HAUS2: variants seen among roughly 807,000 people sequenced by gnomAD.
HAUS2 encodes HAUS augmin like complex subunit 2, also known as HAUS augmin-like complex subunit 2.
HAUS2 carries 20 observed loss-of-function variants against 21.6 expected under a neutral mutation model. The ratio of observed to expected loss-of-function variants is 0.93; its 90% CI spans 0.65 to 1.35. The LOEUF (loss-of-function observed/expected upper bound fraction) is 1.35. Ranked by LOEUF, HAUS2 falls within the 40% of genes most tolerant of loss-of-function variation. The pLI, the probability that HAUS2 is intolerant of heterozygous loss-of-function variation, is 0.00. For missense variants in HAUS2, 297 were observed against 280.7 expected (o/e 1.06, Z -0.42); for synonymous variants, 113 against 95.6 (o/e 1.18, Z -1.06).
intron 1 of HAUS2, among the ~76,000 whole-genome samples, chr15:42,550,927 A>G (rs1217513303): frequency 1.3e-5 from 2 of 151,502 alleles, no homozygotes; most frequent in Admixed American, 1.3e-4. Context: ...TCTGCCTCCC[A>G]AAGTGCTGGG....
At chr15:42,558,322 T>C (rs1384591531) in intron 2 of HAUS2, 32 bp downstream of exon 2, 5 of 787,920 alleles carry the variant, frequency 6.3e-6, no homozygotes, top group South Asian at 3.2e-5. Flanking sequence ...TTCTTTTTTT[T>C]TTTTTTTTTT....
At chr15:42,556,872 C>T (rs2057783062) in intron 1 of HAUS2, among the ~76,000 whole-genome samples, 1 of 149,918 alleles carries the variant, frequency 6.7e-6, no homozygotes, top group African/African-American at 2.5e-5. Context: ...AAAAAATTAG[C>T]TGGGCATGGT....
intron 1 of HAUS2, among the ~76,000 whole-genome samples, chr15:42,555,628 T>C (rs1475193830): frequency 6.6e-6 from 1 of 152,202 alleles, no homozygotes; most frequent in Non-Finnish European, 1.5e-5. Context: ...GCATTTGTAA[T>C]GTTTTTGATC....
intron 5 of HAUS2, among the ~76,000 whole-genome samples, chr15:42,564,373 T>G (rs2057885016): frequency 6.6e-6 from 1 of 152,188 alleles, no homozygotes; most frequent in Admixed American, 6.6e-5. Context: ...TTAAATTATT[T>G]TATTCCAACA....
chr15:42,563,641 T>G, intron 4 of HAUS2, 108 bp from the exon 5 acceptor site: 1 of 708,810 alleles, frequency 1.4e-6, no homozygotes, highest in East Asian at 2.5e-5. Flanking sequence ...GCTCTCTAGG[T>G]TGATTGTAAT....
At chr15:42,565,503 G>A (rs1177336332) in intron 5 of HAUS2, among the ~76,000 whole-genome samples, 1 of 151,168 alleles carries the variant, frequency 6.6e-6, no homozygotes, top group East Asian at 2.0e-4. Flanking sequence ...GAAAATATTG[G>A]ATAGAGCAGA....
In HAUS2 at chr15:42,566,685, C is replaced by G. The variant is rs745664950; in HGVS notation, c.577C>G (p.Gln193Glu). The G allele has an allele frequency of 6.2e-6, 10 of 1,602,310 alleles. No homozygotes were observed. The highest frequency in any genetic ancestry group is 8.6e-6 in the Non-Finnish European group (10 of 1,169,446). ...LAENILKWRKQQNEVSSCIPK... is the reference protein window; with the variant it reads ...LAENILKWRKEQNEVSSCIPK... ...AGAGAATATACTCAAGTGGCGTAAA[C>G]AACAAAACGAAGTTTCGTCTTGTAT... is the stretch of plus-strand genomic sequence containing the variant. The change falls in exon 6 of 6, where the codon CAA (glutamine) becomes GAA (glutamate). Residue 193 changes from glutamine (Q) to glutamate (E), a missense_variant. By Grantham distance (29) the Gln-to-Glu change is conservative. Transcript: ENST00000260372.
chr15:42,561,670 A>T (rs2057854940), intron 4 of HAUS2: 2 of 315,506 alleles, frequency 6.3e-6, no homozygotes, highest in Admixed American at 4.4e-5. Flanking sequence ...AACAATAAAA[A>T]CTGTTTGTAT....
chr15:42,561,012 A>G (rs34787708), intron 3 of HAUS2: 1 of 583,586 alleles, frequency 1.7e-6, no homozygotes, highest in Non-Finnish European at 3.0e-6. Flanking sequence ...GATGAGAAAC[A>G]CAGAGAAAGA....
At chr15:42,550,683 T>A (rs1250825057) in intron 1 of HAUS2, among the ~76,000 whole-genome samples, 1 of 152,218 alleles carries the variant, frequency 6.6e-6, no homozygotes, top group African/African-American at 2.4e-5. Flanking sequence ...TTTCTTTTTT[T>A]TTTGAGACGG....
At position 42,561,336 on chromosome 15, in the gene HAUS2, C is replaced by G; in HGVS notation, c.323C>G (p.Ser108Cys). 1 of 1,575,096 alleles carries G rather than the reference C, an allele frequency of 6.3e-7. No homozygotes were observed. Among genetic ancestry groups the G allele is most frequent in the Non-Finnish European group, 8.7e-7 (1 of 1,144,574 alleles). ...GAAGCAGTGCTGAAAGAGAAGAGAT[C>G]CCTTAGGCAAAGACTGTTGAAACCC... ...HLEAVLKEKR[S>C]LRQRLLKPMC... The change falls in exon 4 of 6, where the codon TCC becomes TGC. Residue 108 changes from serine to cysteine, a missense_variant. Ser to Cys is a moderately radical substitution (Grantham distance 112). Transcript: ENST00000260372.
At position 42,562,812 on chromosome 15, in the gene HAUS2, G is replaced by T. The variant is rs2057864799; in HGVS notation, c.390-937G>T. On this transcript the variant is annotated intron_variant, in intron 4 of 5. Coordinates refer to ENST00000260372, the MANE Select transcript of HAUS2 (RefSeq NM_018097.3). ...TTCATTCTTCACAGAGAATGAGTAA[G>T]TTGAAATGGAATGAGGCCAGGCGTC... is the stretch of plus-strand genomic sequence containing the variant. Among the ~76,000 whole-genome samples the T allele has an allele frequency of 2.0e-5, 3 of 152,254 alleles. No homozygotes were observed. The South Asian group carries it at 6.2e-4, about 32-fold the overall frequency.
intron 1 of HAUS2, among the ~76,000 whole-genome samples, chr15:42,553,471 AC>A (rs2141592083): frequency 7.3e-6 from 1 of 136,832 alleles, no homozygotes; most frequent in Admixed American, 7.0e-5. Context: ...AATCCCTGAT[AC>A]TTTTTTCTTT....
At position 42,561,372 on chromosome 15, in the gene HAUS2, A is replaced by G; in HGVS notation, c.359A>G (p.Glu120Gly). The G allele has an allele frequency of 1.2e-6, 2 of 1,604,828 alleles. 1 individual carries two copies. Among genetic ancestry groups the G allele is most frequent in the South Asian group, 2.2e-5 (2 of 90,912 alleles). Residue 120 changes from glutamate to glycine, a missense_variant, in exon 4 of 6, where the codon GAA becomes GGA. Glu to Gly is a moderately conservative substitution (Grantham distance 98, BLOSUM62 -2). Coordinates refer to ENST00000260372, the MANE Select transcript of HAUS2 (RefSeq NM_018097.3). ...RQRLLKPMCQ[E>G]NLPIEAVYHR... ...AGACTGTTGAAACCCATGTGCCAGG[A>G]AAACTTACCTATTGAAGCTGTTTAT...
At chr15:42,566,133 C>T (rs2057903978) in intron 5 of HAUS2, among the ~76,000 whole-genome samples, 4 of 151,004 alleles carry the variant, frequency 2.6e-5, no homozygotes, top group Admixed American at 2.6e-4. Flanking sequence ...ACCCAGGAGA[C>T]GGAGGTTGCA....
In HAUS2 at chr15:42,569,865, G is replaced by A. The variant is rs932105224; in HGVS notation, c.*3049G>A. On this transcript the variant is annotated 3_prime_UTR_variant, in exon 6 of 6. Coordinates refer to ENST00000260372, the MANE Select transcript of HAUS2 (RefSeq NM_018097.3). ...TCAAAACATACTATGCTTTTTCTTC[G>A]TGTTATTTCCTATATTCATTTTTGT... 4 of 152,004 alleles carry A rather than the reference G, an allele frequency of 2.6e-5. No individual in the cohort carries two copies. The highest frequency in any genetic ancestry group is 2.1e-4 in the South Asian group (1 of 4,816). 9.4% of individuals were successfully genotyped at this position (152,004 alleles called of 1,614,324 possible). A position where few individuals can be genotyped will look rare whatever the true frequency, so the allele number is the denominator to read the frequency against.
At chr15:42,552,671 G>C (rs1376691111) in intron 1 of HAUS2, among the ~76,000 whole-genome samples, 1 of 152,070 alleles carries the variant, frequency 6.6e-6, no homozygotes, top group Admixed American at 6.6e-5. Context: ...TATTTTTCCA[G>C]CAAGTGTGAG....
In HAUS2 at chr15:42,569,486, C is replaced by G. The variant is rs1347210299; in HGVS notation, c.*2670C>G. 6.6e-6 allele frequency: 1 copy of G among 151,508 alleles called. No individual in the cohort carries two copies. The highest frequency in any genetic ancestry group is 1.5e-5 in the Non-Finnish European group (1 of 67,868). The allele number at this position is 151,508 out of a possible 1,614,324, so 9.4% of individuals were successfully genotyped here. On this transcript the variant is annotated 3_prime_UTR_variant, in exon 6 of 6. Transcript: ENST00000260372. ...CACGCCTGGCTAATTTTTGTATTTT[C>G]TGTAGAGACAGAGTTTTGCCATGTT... is the stretch of plus-strand genomic sequence containing the variant.
intron 1 of HAUS2, among the ~76,000 whole-genome samples, chr15:42,557,986 ATTT>A (rs956679825): frequency 1.3e-5 from 2 of 149,640 alleles, no homozygotes; most frequent in Non-Finnish European, 3.0e-5. Flanking sequence ...TGTTTCTCTT[ATTT>A]TTTTTTTAAA....
Sources: allele counts gnomAD v4.1 joint callset (sites outside exome capture counted in the v4.1 genomes callset), GRCh38; gene constraint gnomAD v4.1.1; transcripts MANE v1.5; gene names NCBI Gene and HGNC (gene_info 2026-07-23, HGNC 2026-07-21).